Variants in MYO19 observed in about 807,000 individuals in gnomAD.
The protein encoded by MYO19 is unconventional myosin-XIX.
MYO19 carries 132 observed loss-of-function variants against 129.2 expected under a neutral mutation model. The observed-to-expected ratio is 1.02, with a 90% confidence interval of 0.89 to 1.18. The LOEUF is 1.18. Ranked by LOEUF, MYO19 falls within the 50% of genes most tolerant of loss-of-function variation. MYO19 has a pLI of 0.00. For synonymous variants in MYO19, 531 were observed against 477.2 expected (o/e 1.11, Z -1.47); for missense variants, 1,210 against 1,216.7 (o/e 0.99, Z 0.08).
chr17:36,499,727 G>A (rs1392262110), intron 23 of MYO19: 1 of 137,366 alleles, frequency 7.3e-6, no homozygotes, highest in Non-Finnish European at 1.5e-5. Flanking sequence ...GAGTGCAGTG[G>A]CACGAACAGC....
chr17:36,508,163 T>C, intron 14 of MYO19: 1 of 369,560 alleles, frequency 2.7e-6, no homozygotes, highest in Non-Finnish European at 4.8e-6. Flanking sequence ...GAAACCCAAA[T>C]GAAGTGTGAA....
At position 36,532,576 on chromosome 17, in the gene MYO19, G is replaced by A. The variant is rs376145338; in HGVS notation, c.-38C>T. On this transcript the variant is annotated 5_prime_UTR_variant, in exon 3 of 26. Coordinates refer to ENST00000614623, the MANE Select transcript of MYO19 (RefSeq NM_001163735.2). ...TGGTCAGCCAGGGTTCTGGGTTGCAGGAGGTACAAGGAGTACTATCCACCT... is the reference window on the plus strand; with the variant it reads ...TGGTCAGCCAGGGTTCTGGGTTGCAAGAGGTACAAGGAGTACTATCCACCT... 1.2e-4 allele frequency: 180 copies of A among 1,552,420 alleles called. 1 individual carries two copies. Among genetic ancestry groups the A allele is most frequent in the Non-Finnish European group, 1.4e-4 (158 of 1,147,484 alleles).
At chr17:36,506,338 T>C (rs140684011) in intron 18 of MYO19, 118 bp downstream of exon 18, 2 of 1,257,806 alleles carry the variant, frequency 1.6e-6, no homozygotes, top group East Asian at 2.3e-5. Context: ...TGGGACCACA[T>C]CTACTTGACT....
In MYO19 at chr17:36,496,292, G is replaced by A; in HGVS notation, c.2872C>T (p.Leu958=). ...FNQILLERHR[L]IHVTSSAFTG... ...AAGGCAGAAGAGGTCACGTGGATCA[G>A]CCTGTGTCTTTCCAGCAGAATCTGA... The change falls in exon 26 of 26, where the codon CTG becomes TTG. Residue 958 remains leucine (L), a synonymous_variant. Coordinates refer to ENST00000614623, the MANE Select transcript of MYO19 (RefSeq NM_001163735.2). 6.2e-7 allele frequency: 1 copy of A among 1,614,058 alleles called. No homozygotes were observed. Among genetic ancestry groups the A allele is most frequent in the Non-Finnish European group, 8.5e-7 (1 of 1,179,906 alleles).
chr17:36,497,996 T>C (rs2071157736), intron 25 of MYO19: 1 of 469,140 alleles, frequency 2.1e-6, no homozygotes, highest in African/African-American at 1.9e-5. Flanking sequence ...AACGCAGCAT[T>C]GCATTTGGAA....
chr17:36,498,697 G>A (rs1599195403), intron 24 of MYO19, 138 bp from the exon 25 acceptor site: 1 of 961,632 alleles, frequency 1.0e-6, no homozygotes, highest in East Asian at 2.6e-5. Context: ...TGGCTGCCCT[G>A]AACCAAACTG....
At chr17:36,501,561 T>C (rs2071534012) in intron 21 of MYO19, 1 of 236,128 alleles carries the variant, frequency 4.2e-6, no homozygotes, top group Non-Finnish European at 8.2e-6. Context: ...CCTTCCAAGC[T>C]TGGAATCCCA....
chr17:36,532,176 C>T (rs1442563196), intron 3 of MYO19, among the ~76,000 whole-genome samples: 1 of 152,158 alleles, frequency 6.6e-6, no homozygotes, highest in East Asian at 1.9e-4. Context: ...TTCTTTAAGG[C>T]TTAGCTTCAA....
At position 36,496,104 on chromosome 17, in the gene MYO19, G is replaced by C. The variant is rs1053792856; in HGVS notation, c.*147C>G. The C allele has an allele frequency of 8.8e-7, 1 of 1,133,478 alleles. No individual in the cohort carries two copies. The highest frequency in any genetic ancestry group is 1.5e-5 in the African/African-American group (1 of 64,800). The allele number at this position is 1,133,478 out of a possible 1,614,324, so 70.2% of individuals were successfully genotyped here. A position where few individuals can be genotyped will look rare whatever the true frequency, so the allele number is the denominator to read the frequency against. On this transcript the variant is annotated 3_prime_UTR_variant, in exon 26 of 26. Transcript: ENST00000614623. ...CAGGCCCACTGACGCACTGGGCACGGGGCTCTGGGTCGAAGGCTGGAGCCG... is the reference window on the plus strand; with the variant it reads ...CAGGCCCACTGACGCACTGGGCACGCGGCTCTGGGTCGAAGGCTGGAGCCG...
chr17:36,497,911 C>T (rs1216426376), intron 25 of MYO19: 1 of 252,268 alleles, frequency 4.0e-6, no homozygotes, highest in African/African-American at 2.2e-5. Context: ...TCACCTCCTG[C>T]TCCTGACTCA....
At chr17:36,503,750 G>A (rs1157103998) in intron 20 of MYO19, among the ~76,000 whole-genome samples, 200 bp downstream of exon 20, 12 of 152,360 alleles carry the variant, frequency 7.9e-5, no homozygotes, top group Admixed American at 4.6e-4. Context: ...ACAGCCATCA[G>A]CTGGGTACAA....
chr17:36,499,762 A>T (rs1270299760), intron 23 of MYO19: 1 of 129,584 alleles, frequency 7.7e-6, no homozygotes, highest in African/African-American at 3.0e-5. Context: ...GTAAGGCTGT[A>T]GCTTCAATCT....
At chr17:36,509,527 A>C in intron 13 of MYO19, 2 of 217,548 alleles carry the variant, frequency 9.2e-6, no homozygotes, top group Admixed American at 5.3e-5. Flanking sequence ...CCCCTGCAAA[A>C]CTCTACCGGT....
chr17:36,532,350 A>G (rs2142496994), intron 3 of MYO19, among the ~76,000 whole-genome samples, 177 bp downstream of exon 3: 1 of 152,284 alleles, frequency 6.6e-6, no homozygotes, highest in Admixed American at 6.5e-5. Context: ...AAACCACAAG[A>G]CAGATTCAAA....
upstream of MYO19, chr17:36,537,259 G>A: frequency 6.2e-7 from 1 of 1,613,876 alleles, no homozygotes; most frequent in Non-Finnish European, 8.5e-7. Context: ...TCACCTACCT[G>A]GAAAACTAGA....
chr17:36,498,994 C>A, intron 24 of MYO19, 81 bp downstream of exon 24: 1 of 1,150,258 alleles, frequency 8.7e-7, no homozygotes, highest in Non-Finnish European at 1.3e-6. Flanking sequence ...ATTGCAGTGG[C>A]AGAGCCAGCA....
At chr17:36,500,713 ATCTCT>A in intron 23 of MYO19, 112 bp downstream of exon 23, 1 of 1,378,172 alleles carries the variant, frequency 7.3e-7, no homozygotes, top group South Asian at 1.4e-5. Flanking sequence ...CCACAGGGAC[ATCTCT>A]TCAGGCTGGG....
intron 4 of MYO19, 115 bp from the exon 5 acceptor site, chr17:36,527,814 A>G: frequency 8.3e-7 from 1 of 1,207,884 alleles, no homozygotes; most frequent in East Asian, 2.5e-5. Flanking sequence ...GAATCATTAA[A>G]TCCCAGCAGC....
chr17:36,502,986 G>T, intron 21 of MYO19, 111 bp downstream of exon 21: 1 of 873,210 alleles, frequency 1.1e-6, no homozygotes, highest in Non-Finnish European at 1.9e-6. Context: ...CAAAACCAGG[G>T]CTGTGTTTTA....
Sources: gnomAD v4.1 joint callset for allele counts (sites outside exome capture counted in the v4.1 genomes callset) on GRCh38, gnomAD v4.1.1 for gene constraint, MANE v1.5 for transcripts, NCBI Gene and HGNC (gene_info 2026-07-23, HGNC 2026-07-21) for gene names.